Variants in RNF145 observed in about 807,000 individuals in gnomAD.
RNF145 encodes the protein ring finger protein 145.
RNF145 carries 12 observed loss-of-function variants against 57.3 expected under a neutral mutation model. The observed-to-expected ratio is 0.21, with a 90% CI of 0.13 to 0.34. RNF145 has a LOEUF of 0.34. Among genes scored for constraint, RNF145 ranks in the 10% least tolerant of loss-of-function variants. The probability of loss-of-function intolerance (pLI) is 1.00; values close to 1 mark genes in which losing one functional copy is unlikely to be tolerated. For missense variants in RNF145, 429 were observed against 799.0 expected, an observed-to-expected ratio of 0.54 and a Z score of 5.58; for synonymous variants, 262 against 288.3, an observed-to-expected ratio of 0.91 and a Z score of 0.92.
chr5:159,181,477 C>G (rs1395841285), intron 4 of RNF145, among the ~76,000 whole-genome samples: 1 of 152,098 alleles, frequency 6.6e-6, no homozygotes, highest in Non-Finnish European at 1.5e-5. Flanking sequence ...TCTGGTACTT[C>G]ACTTTAAATT....
intron 4 of RNF145, among the ~76,000 whole-genome samples, chr5:159,179,362 T>G (rs933995269): frequency 1.3e-5 from 2 of 152,112 alleles, no homozygotes; most frequent in African/African-American, 4.8e-5. Flanking sequence ...AAAATCCCAA[T>G]GTACTCTTTA....
intron 1 of RNF145, among the ~76,000 whole-genome samples, chr5:159,206,619 T>C (rs1431831417): frequency 1.3e-5 from 2 of 152,194 alleles, no homozygotes; most frequent in Admixed American, 6.5e-5. Context: ...CTTTATAATG[T>C]TGCCTAATTT....
intron 2 of RNF145, among the ~76,000 whole-genome samples, chr5:159,201,768 T>A (rs1584711080): frequency 6.6e-6 from 1 of 152,200 alleles, no homozygotes; most frequent in African/African-American, 2.4e-5. Context: ...TCTAGAATTA[T>A]ACAGAAAGAA....
Position 159,158,943 on chromosome 5 carries a change from C to G in RNF145, c.1719G>C (p.Leu573=). The change falls in exon 11 of 11, where the codon CTG becomes CTC. Residue 573 remains leucine (L), a synonymous_variant. Transcript: ENST00000424310. ...AGGAGTTTTTCAGATGGCAGTGGCA[C>G]AGAGGGCAGGTCTCCTGGACATACA... ...KWLYVQETCP[L]CHCHLKNSSQ... is the part of the protein sequence containing the mutation. 1 of 1,613,910 alleles carries G rather than the reference C, an allele frequency of 6.2e-7. No homozygotes were observed. Among genetic ancestry groups the G allele is most frequent in the Non-Finnish European group, 8.5e-7 (1 of 1,179,864 alleles).
At chr5:159,174,726 G>A (rs1784659861) in intron 5 of RNF145, among the ~76,000 whole-genome samples, 1 of 151,676 alleles carries the variant, frequency 6.6e-6, no homozygotes, top group East Asian at 1.9e-4. Context: ...TTTTTATCAA[G>A]CTATGTTTTT....
At position 159,203,631 on chromosome 5, in the gene RNF145, T is replaced by TC; in HGVS notation, c.-15_-14insG. ...CTTTGCAGCCATGTTGTTTTTTTTT[T>TC]TCTTTTTTTTTTTCTTGGAGAAGAC... On this transcript the variant is annotated 5_prime_UTR_variant, in exon 2 of 11. Coordinates refer to ENST00000424310, the MANE Select transcript of RNF145 (RefSeq NM_001199383.2). 1.3e-6 allele frequency: 2 copies of TC among 1,594,500 alleles called. No individual in the cohort carries two copies. Among genetic ancestry groups the TC allele is most frequent in the Non-Finnish European group, 1.7e-6 (2 of 1,174,266 alleles).
chr5:159,209,796 C>A (rs994529828), upstream of RNF145: 30 of 1,485,280 alleles, frequency 2.0e-5, no homozygotes, highest in African/African-American at 3.5e-4. Flanking sequence ...CATTCTGACA[C>A]ACGTGCTCTC....
chr5:159,165,237 A>G (rs1339994408), intron 8 of RNF145, among the ~76,000 whole-genome samples: 1 of 152,210 alleles, frequency 6.6e-6, no homozygotes, highest in Non-Finnish European at 1.5e-5. Flanking sequence ...AGGCCTGCCT[A>G]TATATACCAT....
At chr5:159,160,959 A>T (rs1421627400) in intron 10 of RNF145, among the ~76,000 whole-genome samples, 1 of 152,204 alleles carries the variant, frequency 6.6e-6, no homozygotes, top group African/African-American at 2.4e-5. Flanking sequence ...TATATTCAAT[A>T]GTCCGTGTGA....
chr5:159,198,921 T>A (rs1034815517), intron 2 of RNF145, among the ~76,000 whole-genome samples: 1 of 152,116 alleles, frequency 6.6e-6, no homozygotes, highest in Non-Finnish European at 1.5e-5. Flanking sequence ...GAGACTGCAG[T>A]GAGCCATGAT....
chr5:159,209,816 A>G, upstream of RNF145: 1 of 1,531,978 alleles, frequency 6.5e-7, no homozygotes, highest in South Asian at 1.2e-5. Flanking sequence ...CTCACTCCCA[A>G]ACACCACGGG....
At position 159,189,745 on chromosome 5, in the gene RNF145, C is replaced by T. The variant is rs58949118; in HGVS notation, c.293+4971G>A. On this transcript the variant is annotated intron_variant, in intron 3 of 10. Transcript: ENST00000424310. ...AAACAAAATGTGACATACATCCATA[C>T]AATGGAATATGGACAGAAAAAGAAA... Among the ~76,000 whole-genome samples, 241 of 152,280 alleles carry T rather than the reference C, an allele frequency of 1.6e-3. 2 individuals are homozygous for T. Among genetic ancestry groups the T allele is most frequent in the African/African-American group, 5.6e-3 (233 of 41,572 alleles).
chr5:159,206,337 G>A (rs1055077615), intron 1 of RNF145, among the ~76,000 whole-genome samples: 1 of 152,018 alleles, frequency 6.6e-6, no homozygotes, highest in Non-Finnish European at 1.5e-5. Flanking sequence ...AGGCACTGAC[G>A]AAACAAATTT....
intron 10 of RNF145, among the ~76,000 whole-genome samples, chr5:159,160,202 A>G (rs1236052148): frequency 6.6e-6 from 1 of 152,162 alleles, no homozygotes; most frequent in East Asian, 1.9e-4. Flanking sequence ...GGTTCATTTT[A>G]ATAATAAACA....
At chr5:159,180,991 C>A (rs1386880264) in intron 4 of RNF145, among the ~76,000 whole-genome samples, 1 of 151,908 alleles carries the variant, frequency 6.6e-6, no homozygotes, top group African/African-American at 2.4e-5. Flanking sequence ...AGCATACACT[C>A]CTCAGGCGAC....
In RNF145 at chr5:159,188,878, A is replaced by C. The variant is rs565020773; in HGVS notation, c.293+5838T>G. On this transcript the variant is annotated intron_variant, in intron 3 of 10. Coordinates refer to ENST00000424310, the MANE Select transcript of RNF145 (RefSeq NM_001199383.2). ...TTTTCAAAAGTTCATGAAATTTTCA[A>C]CTTAGAAAATTAATATTTGCAAATG... is the stretch of plus-strand genomic sequence containing the variant. Among the ~76,000 whole-genome samples the C allele has an allele frequency of 2.0e-5, 3 of 152,324 alleles. No homozygotes were observed. The East Asian group carries it at 5.8e-4, about 29-fold the overall frequency.
Position 159,161,349 on chromosome 5 carries a change from C to G in RNF145, c.1543G>C (p.Ala515Pro). ...GGTAACGATTTAATCTTATTCACAG[C>G]ATCCCTGCGGAGAAGAAAGCTCTTC... ...GWKSFLLRRD[A>P]VNKIKSLPIA... Residue 515 changes from alanine (A) to proline (P), a missense_variant, in exon 10 of 11, where the codon GCT becomes CCT. Ala to Pro is a conservative substitution (Grantham distance 27, BLOSUM62 -1). Around this residue, in one of 4 missense-constraint regions of RNF145, gnomAD observed 216 missense variants for 457.6 expected, o/e 0.47. Transcript: ENST00000424310. 1 of 1,614,156 alleles carries G rather than the reference C, an allele frequency of 6.2e-7. No homozygotes were observed. Among genetic ancestry groups the G allele is most frequent in the Non-Finnish European group, 8.5e-7 (1 of 1,179,984 alleles).
In RNF145 at chr5:159,158,932, T is replaced by C. The variant is rs746603580; in HGVS notation, c.1730A>G (p.His577Arg). The change falls in exon 11 of 11, where the codon CAT becomes CGT. Residue 577 changes from histidine to arginine, a missense_variant. Physicochemically the swap from His to Arg is conservative, Grantham distance 29 (BLOSUM62 0). Around this residue, in one of 4 missense-constraint regions of RNF145, gnomAD observed 102 missense variants for 106.2 expected, o/e 0.96. Transcript: ENST00000424310. The part of the protein sequence containing the change: ...VQETCPLCHC[H>R]LKNSSQLPGL... ...TGGAAGCTGGGAGGAGTTTTTCAGA[T>C]GGCAGTGGCACAGAGGGCAGGTCTC... The C allele has an allele frequency of 6.2e-7, 1 of 1,613,906 alleles. No homozygotes were observed. Among genetic ancestry groups the C allele is most frequent in the South Asian group, 1.1e-5 (1 of 91,066 alleles).
intron 3 of RNF145, among the ~76,000 whole-genome samples, chr5:159,187,135 A>G (rs1785094779): frequency 1.3e-5 from 2 of 150,128 alleles, no homozygotes; most frequent in African/African-American, 4.9e-5. Context: ...ACAAAAAATT[A>G]GCCAGGCGTG....
Sources: gnomAD v4.1 joint callset for allele counts (sites outside exome capture counted in the v4.1 genomes callset) on GRCh38, gnomAD v4.1.1 for gene constraint, gnomAD v4.1.1 regional missense constraint, MANE v1.5 for transcripts, NCBI Gene and HGNC (gene_info 2026-07-23, HGNC 2026-07-21) for gene names.